Variants in HADHA observed in about 807,000 individuals in gnomAD.
HADHA encodes trifunctional enzyme subunit alpha, mitochondrial.
HADHA carries 59 observed loss-of-function variants against 91.3 expected under a neutral mutation model. The observed-to-expected ratio is 0.65, with a 90% CI of 0.52 to 0.80. The LOEUF is 0.80. HADHA is among the 30% of genes least tolerant of loss of function. HADHA has a pLI of 0.00. For synonymous variants in HADHA, 320 were observed against 338.9 expected, an observed-to-expected ratio of 0.94 and a Z score of 0.61; for missense variants, 800 against 927.6, an observed-to-expected ratio of 0.86 and a Z score of 1.79.
Position 26,192,321 on chromosome 2 carries a change from A to C in HADHA, c.1989T>G (p.Pro663=), listed in dbSNP as rs1455804390. 2 of 1,567,980 alleles carry C rather than the reference A, an allele frequency of 1.3e-6. No homozygotes were observed. The highest frequency in any genetic ancestry group is 3.3e-5 in the Admixed American group (2 of 59,950). The part of the protein sequence containing the change: ...DSILASLKLP[P]KSEVSSDEDI... The stretch of plus-strand genomic sequence containing the variant: ...TCAAACGGACTTACACTTCAGACTT[A>C]GGAGGCAGCTTCAGACTCGCTAAAA... Residue 663 remains proline, a synonymous_variant, in exon 18 of 20, where the codon CCT becomes CCG. Transcript: ENST00000380649.
intron 1 of HADHA, chr2:26,243,063 A>C (rs1301479767): frequency 6.6e-6 from 1 of 152,286 alleles, no homozygotes; most frequent in Non-Finnish European, 1.5e-5. Context: ...AACAATGTTT[A>C]TTAATTGCTC....
At chr2:26,212,411 C>A in intron 10 of HADHA, 159 bp downstream of exon 10, 1 of 679,794 alleles carries the variant, frequency 1.5e-6, no homozygotes, top group Non-Finnish European at 2.7e-6. Flanking sequence ...TTAGCATCCA[C>A]TTGCTCACTG....
At chr2:26,193,812 G>C (rs768093865) in intron 16 of HADHA, 40 bp from the exon 17 acceptor site, 1 of 1,529,886 alleles carries the variant, frequency 6.5e-7, no homozygotes. Context: ...GGGAAGGGCA[G>C]CCCAAATCCC....
intron 7 of HADHA, among the ~76,000 whole-genome samples, chr2:26,219,893 G>A (rs1393056977): frequency 2.6e-5 from 4 of 152,154 alleles, no homozygotes. Context: ...AGTATAACTT[G>A]AATCACCTGA....
intron 9 of HADHA, among the ~76,000 whole-genome samples, chr2:26,213,344 C>T (rs929576072): frequency 1.3e-5 from 2 of 152,190 alleles, no homozygotes; most frequent in Admixed American, 6.5e-5. Flanking sequence ...GTCTCTCCTT[C>T]GAAACCATTT....
intron 15 of HADHA, 107 bp from the exon 16 acceptor site, chr2:26,194,745 AACTT>A: frequency 1.3e-6 from 1 of 797,118 alleles, no homozygotes; most frequent in South Asian, 1.4e-5. Flanking sequence ...GTCACTGTAA[AACTT>A]AAGGTGACTT....
At chr2:26,230,108 C>A in intron 7 of HADHA, 84 bp downstream of exon 7, 1 of 838,110 alleles carries the variant, frequency 1.2e-6, no homozygotes, top group Non-Finnish European at 2.0e-6. Context: ...CAGGTGTGAG[C>A]CACCGTGCCT....
chr2:26,191,174 G>A lies in HADHA; in HGVS notation c.*76C>T. The A allele has an allele frequency of 1.4e-6, 2 of 1,430,586 alleles. No homozygotes were observed. The highest frequency in any genetic ancestry group is 3.4e-5 in the Admixed American group (2 of 59,524). The allele number at this position is 1,430,586 out of a possible 1,614,324, so 88.6% of individuals were successfully genotyped here. A position where few individuals can be genotyped will look rare whatever the true frequency, so the allele number is the denominator to read the frequency against. On this transcript the variant is annotated 3_prime_UTR_variant, in exon 20 of 20. Coordinates refer to ENST00000380649, the MANE Select transcript of HADHA (RefSeq NM_000182.5). ...TCTTCTCGTTACTCTGATAAATCTA[G>A]ACACCACTCTGTTGGAGAACCAGCA...
chr2:26,191,411 G>T lies in HADHA; in HGVS notation c.2147-16C>A. ...CGGAAAGGCCCTGAATAGAGAAAGA[G>T]GACTTCGTTGAAGGAGACGCAACAC... On this transcript the variant is annotated splice_polypyrimidine_tract_variant and intron_variant, in intron 19 of 19. Coordinates refer to ENST00000380649, the MANE Select transcript of HADHA (RefSeq NM_000182.5). 2 of 1,614,176 alleles carry T rather than the reference G, an allele frequency of 1.2e-6. No homozygotes were observed. The highest frequency in any genetic ancestry group is 2.2e-5 in the South Asian group (2 of 91,080).
intron 7 of HADHA, among the ~76,000 whole-genome samples, chr2:26,216,367 C>T (rs1050438607): frequency 1.8e-4 from 23 of 130,608 alleles, no homozygotes; most frequent in Non-Finnish European, 2.8e-4. Flanking sequence ...GTAACCTAGG[C>T]TGGAGTGCAG....
intron 7 of HADHA, 136 bp from the exon 8 acceptor site, chr2:26,215,311 T>A: frequency 2.5e-6 from 2 of 785,008 alleles, no homozygotes; most frequent in South Asian, 2.8e-5. Context: ...GGTGGCAAAG[T>A]CATAAACCAA....
At chr2:26,212,842 G>A (rs1448185845) in intron 9 of HADHA, among the ~76,000 whole-genome samples, 1 of 152,198 alleles carries the variant, frequency 6.6e-6, no homozygotes, top group Non-Finnish European at 1.5e-5. Flanking sequence ...ACATGGCCAT[G>A]AGAAGGAAAG....
Position 26,232,187 on chromosome 2 carries a change from T to C in HADHA, c.546A>G (p.Ala182=), listed in dbSNP as rs777980334. The C allele has an allele frequency of 1.3e-5, 21 of 1,611,122 alleles. No individual in the cohort carries two copies. Among genetic ancestry groups the C allele is most frequent in the Non-Finnish European group, 1.5e-5 (18 of 1,177,356 alleles). The change falls in exon 6 of 20, where the codon GCA becomes GCG. Residue 182 remains alanine (A), a synonymous_variant. Transcript: ENST00000380649. The part of the protein sequence containing the change: ...PEVLLGALPG[A]GGTQRLPKMV... ...TTTTGGGCAGCCTTTGTGTGCCTCCTGCTCCTGGTAAGGCCCCCAGCAAAA... is the reference window on the plus strand; with the variant it reads ...TTTTGGGCAGCCTTTGTGTGCCTCCCGCTCCTGGTAAGGCCCCCAGCAAAA...
intron 1 of HADHA, among the ~76,000 whole-genome samples, chr2:26,240,311 G>A (rs1670860472): frequency 6.6e-6 from 1 of 151,924 alleles, no homozygotes; most frequent in Non-Finnish European, 1.5e-5. Context: ...GACATTCAGG[G>A]TGAACAAAAA....
chr2:26,197,240 T>C lies in HADHA; in HGVS notation c.1479+451A>G, dbSNP rs1026567123. The stretch of plus-strand genomic sequence containing the variant: ...CAAATACTCACAGAAAGTGCTTCTA[T>C]ACCCAGCCCTTTCATGTCCCGGGGT... On this transcript the variant is annotated intron_variant, in intron 14 of 19. Coordinates refer to ENST00000380649, the MANE Select transcript of HADHA (RefSeq NM_000182.5). Among the ~76,000 whole-genome samples, 19 of 152,258 alleles carry C rather than the reference T, an allele frequency of 1.2e-4. No individual in the cohort carries two copies. In the South Asian group the frequency reaches 2.5e-3, roughly 20 times the overall value.
At chr2:26,191,933 G>A (rs1302459169) in intron 18 of HADHA, among the ~76,000 whole-genome samples, 1 of 152,226 alleles carries the variant, frequency 6.6e-6, no homozygotes, top group Non-Finnish European at 1.5e-5. Flanking sequence ...ATCTGGGAGG[G>A]TGAAGGGGCC....
chr2:26,243,662 G>C (rs62128455), intron 1 of HADHA, among the ~76,000 whole-genome samples: 3 of 152,172 alleles, frequency 2.0e-5, no homozygotes, highest in African/African-American at 7.2e-5. Flanking sequence ...TAAATTAAAA[G>C]TTAAAATTTC....
intron 17 of HADHA, among the ~76,000 whole-genome samples, chr2:26,192,895 A>T (rs887610025): frequency 2.0e-5 from 3 of 152,226 alleles, no homozygotes; most frequent in East Asian, 3.8e-4. Flanking sequence ...GAAGGAAAGA[A>T]GATCTTGTGA....
chr2:26,232,122 G>A (rs748882301), intron 6 of HADHA, 38 bp downstream of exon 6: 1 of 1,501,006 alleles, frequency 6.7e-7, no homozygotes, highest in South Asian at 1.1e-5. Flanking sequence ...CAGATCTAAA[G>A]AGGGCATATA....
Sources: allele counts gnomAD v4.1 joint callset (sites outside exome capture counted in the v4.1 genomes callset), GRCh38; gene constraint gnomAD v4.1.1; transcripts MANE v1.5; gene names NCBI Gene and HGNC (gene_info 2026-07-23, HGNC 2026-07-21).